The following NAA30 variants were observed in gnomAD, a reference collection of about 807,000 sequenced individuals.
NAA30 encodes the protein N-alpha-acetyltransferase 30, NatC catalytic subunit, also known as N-alpha-acetyltransferase 30.
In NAA30, 5 loss-of-function variants were observed where a neutral mutation model predicts 31.4. That is an observed-to-expected ratio of 0.16 (90% CI 0.08 to 0.33). The LOEUF is 0.33. NAA30 is among the 10% of genes least tolerant of loss of function. The probability of loss-of-function intolerance (pLI) is 1.00; values close to 1 mark genes in which losing one functional copy is unlikely to be tolerated. For missense variants in NAA30, 428 were observed against 490.8 expected (o/e 0.87, Z 1.21); for synonymous variants, 222 against 207.1 (o/e 1.07, Z -0.62).
chr14:57,402,484 G>C (rs573106592), intron 4 of NAA30, among the ~76,000 whole-genome samples: 1 of 152,114 alleles, frequency 6.6e-6, no homozygotes, highest in African/African-American at 2.4e-5. Flanking sequence ...TCTTGTTTAA[G>C]TACTTTTAAA....
At chr14:57,402,700 T>A (rs1314946467) in intron 4 of NAA30, among the ~76,000 whole-genome samples, 1 of 152,274 alleles carries the variant, frequency 6.6e-6, no homozygotes, top group Non-Finnish European at 1.5e-5. Context: ...ACATGTGCTT[T>A]CACTTTCATT....
rs1337026249 is a variant in NAA30 at position 57,411,176 on chromosome 14, C to G, written c.*1660C>G. Reference sequence around the variant, plus strand: ...CACAATTTATATTTGAAAATAAAAACTTTCTGCTGGTGGGATTATTTATAG... The same window carrying G: ...CACAATTTATATTTGAAAATAAAAAGTTTCTGCTGGTGGGATTATTTATAG... On this transcript the variant is annotated 3_prime_UTR_variant, in exon 5 of 5. Transcript: ENST00000556492. 1 of 151,074 alleles carries G rather than the reference C, an allele frequency of 6.6e-6. No homozygotes were observed. Among genetic ancestry groups the G allele is most frequent in the Non-Finnish European group, 1.5e-5 (1 of 67,756 alleles). 9.4% of individuals were successfully genotyped at this position (151,074 alleles called of 1,614,324 possible). A position where few individuals can be genotyped will look rare whatever the true frequency, so the allele number is the denominator to read the frequency against.
Position 57,393,631 on chromosome 14 carries a change from T to G in NAA30, c.771+1903T>G, listed in dbSNP as rs74421758. 2.3e-3 allele frequency among the ~76,000 whole-genome samples: 356 copies of G among 152,268 alleles called. 8 individuals are homozygous for G. The East Asian group carries it at 0.057, about 24-fold the overall frequency. The stretch of plus-strand genomic sequence containing the variant: ...CATCCTAGAGATAATCTAGCCCAAC[T>G]TAGGTTTTGTTCTGTTTTGTTTTTT... On this transcript the variant is annotated intron_variant, in intron 2 of 4. Coordinates refer to ENST00000556492, the MANE Select transcript of NAA30 (RefSeq NM_001011713.3).
Position 57,412,343 on chromosome 14 carries a change from C to T in NAA30, c.*2827C>T, listed in dbSNP as rs2066527391. ...TTTCATGTTTTAACTTTACCTTGCC[C>T]TGTGTTATGGTACTGGCTGACATGT... On this transcript the variant is annotated 3_prime_UTR_variant, in exon 5 of 5. Transcript: ENST00000556492. 1 of 152,070 alleles carries T rather than the reference C, an allele frequency of 6.6e-6. No homozygotes were observed. The highest frequency in any genetic ancestry group is 2.4e-5 in the African/African-American group (1 of 41,404). The allele number at this position is 152,070 out of a possible 1,614,324, so 9.4% of individuals were successfully genotyped here.
intron 4 of NAA30, among the ~76,000 whole-genome samples, chr14:57,401,872 T>C (rs2066479184): frequency 6.6e-6 from 1 of 152,254 alleles, no homozygotes; most frequent in Non-Finnish European, 1.5e-5. Context: ...ATATATTTTA[T>C]GGTAGAAAAA....
intron 2 of NAA30, among the ~76,000 whole-genome samples, chr14:57,392,989 A>T (rs1023228241): frequency 1.3e-5 from 2 of 152,208 alleles, no homozygotes; most frequent in South Asian, 2.1e-4. Context: ...GCATTGTATC[A>T]GAATAGTTCT....
At chr14:57,398,033 T>C (rs1434387465) in intron 3 of NAA30, among the ~76,000 whole-genome samples, 1 of 152,206 alleles carries the variant, frequency 6.6e-6, no homozygotes, top group Non-Finnish European at 1.5e-5. Context: ...TAGCTGAGTA[T>C]TCATAAAAAA....
At chr14:57,408,810 C>T (rs540486820) in intron 4 of NAA30, among the ~76,000 whole-genome samples, 1 of 152,292 alleles carries the variant, frequency 6.6e-6, no homozygotes, top group Non-Finnish European at 1.5e-5. Context: ...CCACCACAGA[C>T]ATCATGTAAA....
At chr14:57,398,825 T>G (rs559511042) in intron 3 of NAA30, among the ~76,000 whole-genome samples, 15 of 152,114 alleles carry the variant, frequency 9.9e-5, no homozygotes, top group African/African-American at 3.4e-4. Context: ...TTAGTAGAGA[T>G]GGGGTTTCGT....
At position 57,413,754 on chromosome 14, in the gene NAA30, A is replaced by G. The variant is rs2066534180; in HGVS notation, c.*4238A>G. The G allele has an allele frequency of 1.3e-5, 2 of 152,060 alleles. No homozygotes were observed. The highest frequency in any genetic ancestry group is 1.3e-4 in the Admixed American group (2 of 15,276). The allele number at this position is 152,060 out of a possible 1,614,324, so 9.4% of individuals were successfully genotyped here. A position where few individuals can be genotyped will look rare whatever the true frequency, so the allele number is the denominator to read the frequency against. On this transcript the variant is annotated 3_prime_UTR_variant, in exon 5 of 5. Transcript: ENST00000556492. ...AGTGATCTGCCCGCCTCGGCCTCCC[A>G]AAGTGTTGGAATTACAGGCGTGAGC...
intron 4 of NAA30, among the ~76,000 whole-genome samples, chr14:57,400,827 C>T (rs1594751625): frequency 6.6e-6 from 1 of 151,844 alleles, no homozygotes; most frequent in East Asian, 1.9e-4. Flanking sequence ...TGCTTTTCAA[C>T]TCTTTATCCA....
chr14:57,398,385 C>CAG (rs1237015081), intron 3 of NAA30, among the ~76,000 whole-genome samples: 1 of 152,138 alleles, frequency 6.6e-6, no homozygotes, highest in Non-Finnish European at 1.5e-5. Flanking sequence ...TCCTGGCCTT[C>CAG]AGACATACTT....
chr14:57,391,202 A>G lies in NAA30; in HGVS notation c.245A>G (p.Gln82Arg). ...TGCCCTCAGCCGCCGCAGGAGCAGC[A>G]GCAGCTCAACGGATTGATTAGCCCC... ...LRCPQPPQEQ[Q>R]QLNGLISPEL... The change falls in exon 2 of 5, where the codon CAG becomes CGG. Residue 82 changes from glutamine to arginine, a missense_variant. Gln to Arg is a conservative substitution (Grantham distance 43). Transcript: ENST00000556492. This position sits in a 1 kb window ranked among gnomAD's most constrained non-coding sequence, Gnocchi z 4.1. The G allele has an allele frequency of 6.2e-7, 1 of 1,611,796 alleles. No homozygotes were observed. Among genetic ancestry groups the G allele is most frequent in the Non-Finnish European group, 8.5e-7 (1 of 1,179,820 alleles).
At position 57,396,999 on chromosome 14, in the gene NAA30, C is replaced by T. The variant is rs542836703; in HGVS notation, c.895+124C>T. ...AGAAACTAAGGGAAGAAAATTAAGG[C>T]GGGTTTTAATTTTTAATTTCAAAAT... On this transcript the variant is annotated intron_variant, in intron 3 of 4. Transcript: ENST00000556492. 90 of 883,460 alleles carry T rather than the reference C, an allele frequency of 1.0e-4. No individual in the cohort carries two copies. The African/African-American group carries it at 1.3e-3, about 12-fold the overall frequency. 54.7% of individuals were successfully genotyped at this position (883,460 alleles called of 1,614,324 possible).
At position 57,415,836 on chromosome 14, in the gene NAA30, C is replaced by T. The variant is rs1337506998; in HGVS notation, c.*6320C>T. ...TCCAAACTGTGGCTGTAAACAGTGA[C>T]TCTGCATAGTCAGCGTTATACTTGA... On this transcript the variant is annotated 3_prime_UTR_variant, in exon 5 of 5. Transcript: ENST00000556492. 6.7e-6 allele frequency: 1 copy of T among 148,960 alleles called. No homozygotes were observed. The highest frequency in any genetic ancestry group is 2.2e-4 in the South Asian group (1 of 4,516). 9.2% of individuals were successfully genotyped at this position (148,960 alleles called of 1,614,324 possible).
Position 57,396,936 on chromosome 14 carries a change from T to G in NAA30, c.895+61T>G, listed in dbSNP as rs953514860. ...AGCTATTTTCATTTTTGTTGTGTTT[T>G]GAAATAAAAGACTTAAATGTAAGTA... On this transcript the variant is annotated intron_variant, in intron 3 of 4. Coordinates refer to ENST00000556492, the MANE Select transcript of NAA30 (RefSeq NM_001011713.3). 17 of 1,542,310 alleles carry G rather than the reference T, an allele frequency of 1.1e-5. No individual in the cohort carries two copies. The African/African-American group carries it at 2.2e-4, about 20-fold the overall frequency.
In NAA30 at chr14:57,391,845, A is replaced by G; in HGVS notation, c.771+117A>G. 2.6e-6 allele frequency: 2 copies of G among 780,110 alleles called. No individual in the cohort carries two copies. The highest frequency in any genetic ancestry group is 1.7e-5 in the South Asian group (1 of 59,650). The allele number at this position is 780,110 out of a possible 1,614,324, so 48.3% of individuals were successfully genotyped here. A position where few individuals can be genotyped will look rare whatever the true frequency, so the allele number is the denominator to read the frequency against. ...CTCCTGCTGCGTATCATAGTACGTT[A>G]TATGATGTCAAGTGCTGTACACATT... On this transcript the variant is annotated intron_variant, in intron 2 of 4. Transcript: ENST00000556492. The surrounding 1 kb of genome is among the most constrained non-coding windows in gnomAD (Gnocchi z 4.1).
chr14:57,391,319 G>A lies in NAA30; in HGVS notation c.362G>A (p.Gly121Asp). ...GCGACCACAGCCACCCCTGACGGAG[G>A]CCCCAGAGCGACTGCAACAAAAGGA... The part of the protein sequence containing the change: ...VAATTATPDG[G>D]PRATATKGAG... Residue 121 changes from glycine (G) to aspartate (D), a missense_variant, in exon 2 of 5, where the codon GGC becomes GAC. By Grantham distance (94) the Gly-to-Asp change is moderately conservative. Coordinates refer to ENST00000556492, the MANE Select transcript of NAA30 (RefSeq NM_001011713.3). This position sits in a 1 kb window ranked among gnomAD's most constrained non-coding sequence, Gnocchi z 4.1. 1 of 1,611,314 alleles carries A rather than the reference G, an allele frequency of 6.2e-7. No homozygotes were observed. Among genetic ancestry groups the A allele is most frequent in the Non-Finnish European group, 8.5e-7 (1 of 1,179,298 alleles).
chr14:57,402,181 ACTTTAGT>A (rs2066480133), intron 4 of NAA30, among the ~76,000 whole-genome samples: 1 of 152,238 alleles, frequency 6.6e-6, no homozygotes, highest in African/African-American at 2.4e-5. Flanking sequence ...TTGTTAAAAT[ACTTTAGT>A]CTTTAAGACC....
Sources: gnomAD v4.1 joint callset for allele counts (sites outside exome capture counted in the v4.1 genomes callset) on GRCh38, gnomAD v4.1.1 for gene constraint, Gnocchi (gnomAD v3.1) non-coding constraint, MANE v1.5 for transcripts, NCBI Gene and HGNC (gene_info 2026-07-23, HGNC 2026-07-21) for gene names.